ZNF514: variants seen among roughly 807,000 people sequenced by gnomAD.
ZNF514 encodes zinc finger protein 514.
In ZNF514, 12 loss-of-function variants were observed where a neutral mutation model predicts 9.7. The observed-to-expected ratio is 1.24, with a 90% CI of 0.79 to 2.01. The LOEUF (loss-of-function observed/expected upper bound fraction) is 2.01, where lower values mean the gene tolerates loss of function less well. ZNF514 is among the 30% of genes most tolerant of loss of function. ZNF514 has a pLI of 0.00. For missense variants in ZNF514, 467 were observed against 465.5 expected (o/e 1.00, Z -0.03); for synonymous variants, 158 against 163.7 (o/e 0.97, Z 0.27).
rs1426637427 is a variant in ZNF514, at chr2:95,145,741, T to C, written c.*3541A>G. On this transcript the variant is annotated 3_prime_UTR_variant, in exon 5 of 5. Transcript: ENST00000295208. ...TGATGTCTTACATTCCCCTAAAATG[T>C]AAAAATGCATGAAACCAAGCTGTAG... Among the ~76,000 whole-genome samples the C allele has an allele frequency of 1.3e-5, 2 of 152,188 alleles. No individual in the cohort carries two copies. Among genetic ancestry groups the C allele is most frequent in the East Asian group, 3.8e-4 (2 of 5,202 alleles).
the ZNF514 span, among the ~76,000 whole-genome samples, chr2:95,130,307 T>TCACAGGAC: frequency 2.0e-5 from 3 of 152,106 alleles, no homozygotes; most frequent in East Asian, 1.9e-4. Flanking sequence ...CAGGGCGAGA[T>TCACAGGAC]CACAGGACCA....
rs1673788596 is a variant in ZNF514 at position 95,159,499 on chromosome 2, AG to A, written c.-356del. ...ACAGTCCCTAGCGGGGGGCACTCGG[AG>A]GGACACACCCAGCTCTGTAAGGGGC... On this transcript the variant is annotated 5_prime_UTR_variant, in exon 1 of 5. Coordinates refer to ENST00000295208, the MANE Select transcript of ZNF514 (RefSeq NM_032788.3). The A allele has an allele frequency of 6.5e-6, 1 of 153,412 alleles. No homozygotes were observed. The highest frequency in any genetic ancestry group is 1.5e-5 in the Non-Finnish European group (1 of 68,900). The allele number at this position is 153,412 out of a possible 1,614,324, so 9.5% of individuals were successfully genotyped here.
the ZNF514 span, among the ~76,000 whole-genome samples, chr2:95,130,283 A>G: frequency 6.6e-6 from 1 of 152,216 alleles, no homozygotes; most frequent in African/African-American, 2.4e-5. Flanking sequence ...AGAATATCAC[A>G]AGGCAAGTGG....
chr2:95,140,154 G>C (rs1676803587), downstream of ZNF514, among the ~76,000 whole-genome samples: 1 of 152,064 alleles, frequency 6.6e-6, no homozygotes, highest in African/African-American at 2.4e-5. Flanking sequence ...CTGAGGGTGG[G>C]GATAGCATTA....
chr2:95,134,339 C>T, the ZNF514 span, among the ~76,000 whole-genome samples: 1 of 152,124 alleles, frequency 6.6e-6, no homozygotes, highest in Non-Finnish European at 1.5e-5. Flanking sequence ...TTAAGGCCTC[C>T]CTCCCAGGTG....
At chr2:95,131,581 C>G in the ZNF514 span, among the ~76,000 whole-genome samples, 7 of 152,172 alleles carry the variant, frequency 4.6e-5, no homozygotes, top group Admixed American at 1.3e-4. Flanking sequence ...AGGTGTTCAG[C>G]CATCCCCAAA....
intron 2 of ZNF514, chr2:95,153,900 C>G (rs1482958615): frequency 2.6e-5 from 4 of 152,214 alleles, no homozygotes; most frequent in Non-Finnish European, 5.9e-5. Flanking sequence ...AAAGTAAGTA[C>G]TACAAATTCC....
the ZNF514 span, among the ~76,000 whole-genome samples, chr2:95,136,623 GA>G: frequency 0.53 from 75,026 of 141,870 alleles, 19,364 homozygotes; most frequent in Non-Finnish European, 0.57. Context: ...CTCCTAACAG[GA>G]AAAAAAAAAA....
In ZNF514 at chr2:95,159,759, C is replaced by T. The variant is rs1418709523; in HGVS notation, c.-615G>A. 3.4e-5 allele frequency among the ~76,000 whole-genome samples: 5 copies of T among 146,532 alleles called. No homozygotes were observed. The highest frequency in any genetic ancestry group is 7.6e-5 in the Non-Finnish European group (5 of 65,892). On this transcript the variant is annotated 5_prime_UTR_variant, in exon 1 of 5. Transcript: ENST00000295208. ...CGTCCGCCCCGCGCCAGCCCCGCCTCCCGAGGCCGTCCCGAGCTTGCGCAG... is the reference window on the plus strand; with the variant it reads ...CGTCCGCCCCGCGCCAGCCCCGCCTTCCGAGGCCGTCCCGAGCTTGCGCAG...
the ZNF514 span, among the ~76,000 whole-genome samples, chr2:95,136,703 G>C: frequency 6.6e-6 from 1 of 151,698 alleles, no homozygotes; most frequent in African/African-American, 2.4e-5. Context: ...AGATCCATCA[G>C]AGACTCCTGT....
the ZNF514 span, among the ~76,000 whole-genome samples, chr2:95,130,490 G>A: frequency 6.6e-6 from 1 of 152,232 alleles, no homozygotes. Flanking sequence ...GGAGACTGGA[G>A]TTTATTTGAC....
In ZNF514 at chr2:95,149,591, A is replaced by G. The variant is rs776535536; in HGVS notation, c.894T>C (p.Gly298=). The G allele has an allele frequency of 6.2e-7, 1 of 1,613,842 alleles. No individual in the cohort carries two copies. The change falls in exon 5 of 5, where the codon GGT becomes GGC. Residue 298 remains glycine (G), a synonymous_variant. Coordinates refer to ENST00000295208, the MANE Select transcript of ZNF514 (RefSeq NM_032788.3). ...GATGCTTAATAAGGGATGAAGTGTG[A>G]CCAAAGGCTCGTCCACATTCATTAC... ...YKCNECGRAF[G]HTSSLIKHQR...
At chr2:95,126,380 AAAAAAAAAAAAAAAAG>A in the ZNF514 span, among the ~76,000 whole-genome samples, 7 of 146,508 alleles carry the variant, frequency 4.8e-5, no homozygotes, top group African/African-American at 7.6e-5. Flanking sequence ...TCAAAAAAAA[AAAAAAAAAAAAAAAAG>A]AAAGAAAGAA....
chr2:95,144,150 GGCAAA>G (rs1445651479), downstream of ZNF514, among the ~76,000 whole-genome samples: 2 of 152,206 alleles, frequency 1.3e-5, no homozygotes, highest in Admixed American at 6.5e-5. Context: ...CAGCTGGACT[GGCAAA>G]GCAGAGTATC....
Position 95,145,336 on chromosome 2 carries a change from G to T in ZNF514, c.*3946C>A, listed in dbSNP as rs1396682942. 6.6e-6 allele frequency among the ~76,000 whole-genome samples: 1 copy of T among 152,084 alleles called. No homozygotes were observed. Among genetic ancestry groups the T allele is most frequent in the Non-Finnish European group, 1.5e-5 (1 of 68,012 alleles). On this transcript the variant is annotated 3_prime_UTR_variant, in exon 5 of 5. Coordinates refer to ENST00000295208, the MANE Select transcript of ZNF514 (RefSeq NM_032788.3). Reference sequence around the variant, plus strand: ...GGACCAGCATTAACATTAAAACAGAGACCTTAAGACTGACAAAAACAGGCT... The same window carrying T: ...GGACCAGCATTAACATTAAAACAGATACCTTAAGACTGACAAAAACAGGCT...
chr2:95,153,449 T>C, intron 2 of ZNF514, 190 bp from the exon 3 acceptor site: 1 of 467,840 alleles, frequency 2.1e-6, no homozygotes, highest in Non-Finnish European at 3.6e-6. Context: ...TTGGAATCAA[T>C]TAGAATTAAC....
the ZNF514 span, among the ~76,000 whole-genome samples, chr2:95,135,568 C>G: frequency 6.6e-6 from 1 of 151,646 alleles, no homozygotes; most frequent in Non-Finnish European, 1.5e-5. Flanking sequence ...ACTACAGGCC[C>G]ACACCACTAT....
the ZNF514 span, among the ~76,000 whole-genome samples, chr2:95,134,323 C>A: frequency 2.0e-5 from 3 of 152,230 alleles, no homozygotes; most frequent in South Asian, 6.2e-4. Flanking sequence ...TTATTCGAAC[C>A]GCTTTTTAAG....
chr2:95,127,368 G>A, the ZNF514 span, among the ~76,000 whole-genome samples: 2 of 152,188 alleles, frequency 1.3e-5, no homozygotes, highest in Non-Finnish European at 2.9e-5. Flanking sequence ...TAAGACTTCA[G>A]TAGGTTCTCC....
Sources: allele counts gnomAD v4.1 joint callset (sites outside exome capture counted in the v4.1 genomes callset), GRCh38; gene constraint gnomAD v4.1.1; transcripts MANE v1.5; gene names NCBI Gene and HGNC (gene_info 2026-07-23, HGNC 2026-07-21).